Variants in KPNB1 observed in about 807,000 individuals in gnomAD.
KPNB1 encodes importin subunit beta-1.
In KPNB1, 7 loss-of-function variants were observed where a neutral mutation model predicts 113.0. That is an observed-to-expected ratio of 0.06 (90% CI 0.04 to 0.12). The LOEUF (loss-of-function observed/expected upper bound fraction) is 0.12, where lower values mean the gene tolerates loss of function less well. Ranked by LOEUF, KPNB1 falls within the 10% of genes least tolerant of loss-of-function variation. The pLI is 1.00. For synonymous variants in KPNB1, 363 were observed against 378.6 expected, an observed-to-expected ratio of 0.96 and a Z score of 0.48; for missense variants, 400 against 1,054.8, an observed-to-expected ratio of 0.38 and a Z score of 8.60.
Position 47,676,391 on chromosome 17 carries a change from T to C in KPNB1, c.1913-18T>C. On this transcript the variant is annotated intron_variant, in intron 15 of 21. Coordinates refer to ENST00000290158, the MANE Select transcript of KPNB1 (RefSeq NM_002265.6). ...AACCCGTGGTGCTGTCATTGGCTAA[T>C]AGCTTATTTCATTACAGTGTTGGGT... The C allele has an allele frequency of 6.3e-7, 1 of 1,588,770 alleles. No homozygotes were observed. Among genetic ancestry groups the C allele is most frequent in the Admixed American group, 1.7e-5 (1 of 59,996 alleles).
At position 47,685,428 on chromosome 17, in the gene KPNB1, G is replaced by C. The variant is rs186890989; in HGVS notation, c.*3024G>C. The C allele has an allele frequency of 2.6e-5, 4 of 152,010 alleles. No individual in the cohort carries two copies. The East Asian group carries it at 7.7e-4, about 29-fold the overall frequency. The allele number at this position is 152,010 out of a possible 1,614,324, so 9.4% of individuals were successfully genotyped here. ...GGCATTTAAGACCTGTAAAACACTT[G>C]AGCCCAACTCGATTAACCAAAACCG... is the stretch of plus-strand genomic sequence containing the variant. On this transcript the variant is annotated 3_prime_UTR_variant, in exon 22 of 22. Transcript: ENST00000290158.
rs1362746540 is a variant in KPNB1, at chr17:47,683,687, T to A, written c.*1283T>A. 1 of 151,070 alleles carries A rather than the reference T, an allele frequency of 6.6e-6. No individual in the cohort carries two copies. The highest frequency in any genetic ancestry group is 1.5e-5 in the Non-Finnish European group (1 of 67,838). 9.4% of individuals were successfully genotyped at this position (151,070 alleles called of 1,614,324 possible). On this transcript the variant is annotated 3_prime_UTR_variant, in exon 22 of 22. Transcript: ENST00000290158. ...GATTGACTACAATGCGGTATTGGTC[T>A]CTTGCTGCACTTCAAAAGCAACCAA...
At chr17:47,669,912 C>CG in intron 11 of KPNB1, 43 bp downstream of exon 11, 1 of 1,404,652 alleles carries the variant, frequency 7.1e-7, no homozygotes, top group Non-Finnish European at 1.0e-6. Context: ...CTTGCCTGCG[C>CG]CACTGGCAAG....
At chr17:47,652,639 C>T in intron 2 of KPNB1, 55 bp from the exon 3 acceptor site, 2 of 1,397,568 alleles carry the variant, frequency 1.4e-6, no homozygotes, top group Non-Finnish European at 9.6e-7. Context: ...AAATTATCCT[C>T]AGTTGTGGAA....
At chr17:47,661,814 TAAGG>T (rs986888876) in intron 6 of KPNB1, among the ~76,000 whole-genome samples, 1 of 152,032 alleles carries the variant, frequency 6.6e-6, no homozygotes, top group African/African-American at 2.4e-5. Context: ...AATAAACAGT[TAAGG>T]GAGAAAAGGT....
chr17:47,652,512 C>A, intron 2 of KPNB1, among the ~76,000 whole-genome samples, 182 bp from the exon 3 acceptor site: 1 of 152,088 alleles, frequency 6.6e-6, no homozygotes, highest in Non-Finnish European at 1.5e-5. Context: ...CACTAAGTAA[C>A]ATTTTTATAG....
chr17:47,664,048 T>G (rs191472008), intron 7 of KPNB1, 111 bp from the exon 8 acceptor site: 94 of 668,236 alleles, frequency 1.4e-4, no homozygotes, highest in East Asian at 1.3e-3. Context: ...CCTAGCTTCC[T>G]TTTTATAGTT....
At chr17:47,659,857 C>T (rs1227484862) in intron 5 of KPNB1, among the ~76,000 whole-genome samples, 1 of 151,284 alleles carries the variant, frequency 6.6e-6, no homozygotes, top group Non-Finnish European at 1.5e-5. Flanking sequence ...AAGATTTCAC[C>T]ACTGTACTTC....
chr17:47,650,834 C>T (rs1915541090), intron 2 of KPNB1, among the ~76,000 whole-genome samples: 1 of 152,172 alleles, frequency 6.6e-6, no homozygotes, highest in South Asian at 2.1e-4. Flanking sequence ...GGCCCGGCCG[C>T]CCGCCCTGTC....
chr17:47,677,364 C>T (rs904775112), intron 17 of KPNB1, among the ~76,000 whole-genome samples: 9 of 150,334 alleles, frequency 6.0e-5, no homozygotes, highest in Non-Finnish European at 1.0e-4. Flanking sequence ...CCCAGCTACT[C>T]GGAAGGCTGA....
chr17:47,666,531 G>A (rs2030285700), intron 9 of KPNB1, among the ~76,000 whole-genome samples: 1 of 103,832 alleles, frequency 9.6e-6, no homozygotes, highest in African/African-American at 3.0e-5. Flanking sequence ...TATGTATTAT[G>A]TTATATATTA....
intron 10 of KPNB1, among the ~76,000 whole-genome samples, chr17:47,668,992 G>GTTGA (rs1210174077): frequency 7.1e-6 from 1 of 141,410 alleles, no homozygotes; most frequent in Non-Finnish European, 1.5e-5. Context: ...GTTTGTTATA[G>GTTGA]TTGAGTTTAG....
intron 3 of KPNB1, among the ~76,000 whole-genome samples, chr17:47,656,421 G>T (rs753775972): frequency 2.2e-4 from 34 of 152,174 alleles, no homozygotes; most frequent in Non-Finnish European, 2.8e-4. Flanking sequence ...GATGGCATGT[G>T]CCTGTAGTCT....
At chr17:47,655,343 G>A (rs921221506) in intron 3 of KPNB1, among the ~76,000 whole-genome samples, 1 of 152,208 alleles carries the variant, frequency 6.6e-6, no homozygotes, top group Non-Finnish European at 1.5e-5. Flanking sequence ...TTAATGACAA[G>A]TGGATCTTGT....
At position 47,650,453 on chromosome 17, in the gene KPNB1, TACCCCGCCGCGCCC is replaced by T. The variant is rs769801905; in HGVS notation, c.99+11_99+24del. On this transcript the variant is annotated intron_variant, in intron 2 of 21. Coordinates refer to ENST00000290158, the MANE Select transcript of KPNB1 (RefSeq NM_002265.6). Reference sequence around the variant, plus strand: ...CGGCCGTGGAGAACCTGGTGCGTGCTACCCCGCCGCGCCCATCCCGCCGCGTCCCCATCCCCTGC... The same window carrying T: ...CGGCCGTGGAGAACCTGGTGCGTGCTATCCCGCCGCGTCCCCATCCCCTGC... 3.8e-6 allele frequency: 6 copies of T among 1,582,964 alleles called. No homozygotes were observed. In the African/African-American group the frequency reaches 6.7e-5, roughly 18 times the overall value.
intron 9 of KPNB1, among the ~76,000 whole-genome samples, chr17:47,667,371 C>G (rs2030319479): frequency 6.6e-6 from 1 of 151,984 alleles, no homozygotes. Context: ...AAGTGATCTG[C>G]CTGCCTTGGC....
chr17:47,664,134 G>A, intron 7 of KPNB1, 25 bp from the exon 8 acceptor site: 1 of 1,489,444 alleles, frequency 6.7e-7, no homozygotes, highest in Non-Finnish European at 9.4e-7. Flanking sequence ...ACTTATTTGG[G>A]GCCTGGGGTG....
At chr17:47,653,693 C>A (rs1486812142) in intron 3 of KPNB1, among the ~76,000 whole-genome samples, 1 of 152,164 alleles carries the variant, frequency 6.6e-6, no homozygotes, top group Non-Finnish European at 1.5e-5. Context: ...TTGTGCAGGA[C>A]ATGGTTATGC....
intron 2 of KPNB1, among the ~76,000 whole-genome samples, chr17:47,651,645 T>G (rs1915573906): frequency 6.6e-6 from 1 of 152,264 alleles, no homozygotes; most frequent in Non-Finnish European, 1.5e-5. Context: ...GCTTTTTATC[T>G]TATTCCTAAC....
Sources: gnomAD v4.1 joint callset for allele counts (sites outside exome capture counted in the v4.1 genomes callset) on GRCh38, gnomAD v4.1.1 for gene constraint, MANE v1.5 for transcripts, NCBI Gene and HGNC (gene_info 2026-07-23, HGNC 2026-07-21) for gene names.